Variants in BTBD2 observed in about 807,000 individuals in gnomAD.
BTBD2 encodes BTB/POZ domain-containing protein 2.
A neutral mutation model predicts 44.0 loss-of-function variants in BTBD2; 15 were observed. That is an observed-to-expected ratio of 0.34 (90% confidence interval 0.23 to 0.53). The LOEUF (loss-of-function observed/expected upper bound fraction) is 0.53. Among genes scored for constraint, BTBD2 ranks in the 20% least tolerant of loss-of-function variants. The probability of loss-of-function intolerance (pLI) is 0.95; values close to 1 mark genes in which losing one functional copy is unlikely to be tolerated. For missense variants in BTBD2, 657 were observed against 746.4 expected (o/e 0.88, Z 1.39); for synonymous variants, 443 against 335.9 (o/e 1.32, Z -3.49).
chr19:2,012,680 C>A (rs1348656058), intron 1 of BTBD2, among the ~76,000 whole-genome samples: 7 of 152,200 alleles, frequency 4.6e-5, no homozygotes, highest in African/African-American at 1.4e-4. Flanking sequence ...CCTTACCTTG[C>A]TGCTATCTCC....
chr19:1,995,867 G>C (rs980746062), intron 2 of BTBD2, among the ~76,000 whole-genome samples: 2 of 151,884 alleles, frequency 1.3e-5, no homozygotes, highest in African/African-American at 4.8e-5. Flanking sequence ...ATGTTAGCCA[G>C]CATGGTCTCA....
intron 1 of BTBD2, among the ~76,000 whole-genome samples, chr19:1,999,919 G>T (rs539977173): frequency 6.7e-6 from 1 of 148,452 alleles, no homozygotes; most frequent in Non-Finnish European, 1.5e-5. Flanking sequence ...CCAAGATCAC[G>T]CCATTGCACT....
intron 1 of BTBD2, among the ~76,000 whole-genome samples, chr19:2,008,363 G>A (rs1382514707): frequency 6.7e-6 from 1 of 148,850 alleles, no homozygotes; most frequent in East Asian, 2.0e-4. Flanking sequence ...CCAGTCGTGC[G>A]ATCTCAGATC....
At chr19:1,990,347 A>G (rs2016157535) in intron 4 of BTBD2, 146 bp from the exon 5 acceptor site, 4 of 837,728 alleles carry the variant, frequency 4.8e-6, no homozygotes, top group Non-Finnish European at 7.4e-6. Context: ...GAGTGTGTTT[A>G]TAAATAAAGC....
intron 1 of BTBD2, among the ~76,000 whole-genome samples, chr19:2,005,747 G>A (rs932604229): frequency 2.0e-5 from 3 of 147,974 alleles, no homozygotes; most frequent in Non-Finnish European, 3.0e-5. Context: ...ACACCATCGC[G>A]CTCCAGCCTG....
intron 1 of BTBD2, chr19:2,013,590 G>A: frequency 1.0e-6 from 1 of 988,190 alleles, no homozygotes. Flanking sequence ...TGGCGGAGCT[G>A]GAGGTGGGTG....
Position 1,985,601 on chromosome 19 carries a change from CTG to C in BTBD2, c.*885_*886del, listed in dbSNP as rs2016066726. 1 of 152,370 alleles carries C rather than the reference CTG, an allele frequency of 6.6e-6. No homozygotes were observed. Among genetic ancestry groups the C allele is most frequent in the Non-Finnish European group, 1.5e-5 (1 of 68,142 alleles). 9.4% of individuals were successfully genotyped at this position (152,370 alleles called of 1,614,324 possible). On this transcript the variant is annotated 3_prime_UTR_variant, in exon 9 of 9. Coordinates refer to ENST00000255608, the MANE Select transcript of BTBD2 (RefSeq NM_017797.4). ...GGGGCGTGGCCGGAGTGGGGAGGGGCTGTGCCCCCAGCACCTGGGGGTGGCTC... is the reference window on the plus strand; with the variant it reads ...GGGGCGTGGCCGGAGTGGGGAGGGGCTGCCCCCAGCACCTGGGGGTGGCTC...
intron 3 of BTBD2, chr19:1,991,147 G>A: frequency 3.8e-6 from 1 of 265,664 alleles, no homozygotes; most frequent in East Asian, 1.1e-4. Context: ...TCGGGGGGCA[G>A]CAGGGCCCAG....
chr19:1,992,363 A>G (rs1025940691), intron 3 of BTBD2, among the ~76,000 whole-genome samples: 10 of 150,636 alleles, frequency 6.6e-5, no homozygotes, highest in African/African-American at 2.4e-4. Flanking sequence ...GCCTCCCAAA[A>G]TGCTGGGATT....
chr19:1,996,668 G>A (rs989489475), intron 2 of BTBD2, among the ~76,000 whole-genome samples: 5 of 150,310 alleles, frequency 3.3e-5, no homozygotes, highest in Admixed American at 6.7e-5. Context: ...CGGATCACCT[G>A]AGGCCAGGAG....
intron 1 of BTBD2, among the ~76,000 whole-genome samples, chr19:2,000,830 G>A (rs1599356007): frequency 6.6e-6 from 1 of 152,200 alleles, no homozygotes; most frequent in Non-Finnish European, 1.5e-5. Context: ...CCCACGCACT[G>A]GAACACGACC....
At chr19:2,001,224 A>G (rs6510634) in intron 1 of BTBD2, among the ~76,000 whole-genome samples, 29,164 of 151,828 alleles carry the variant, frequency 0.19, 3,137 homozygotes, top group East Asian at 0.31. Flanking sequence ...GGCACCGGGC[A>G]CGGTGGCTCA....
intron 2 of BTBD2, among the ~76,000 whole-genome samples, chr19:1,994,210 G>A (rs2016220820): frequency 6.6e-6 from 1 of 151,766 alleles, no homozygotes; most frequent in Non-Finnish European, 1.5e-5. Flanking sequence ...CAGCTACCTG[G>A]GAGGCTGAGG....
In BTBD2 at chr19:1,993,086, C is replaced by T. The variant is rs745553872; in HGVS notation, c.618G>A (p.Glu206=). 1.9e-6 allele frequency: 3 copies of T among 1,608,526 alleles called. No homozygotes were observed. Among genetic ancestry groups the T allele is most frequent in the African/African-American group, 2.7e-5 (2 of 74,918 alleles). ...TCTTCAGGAACTCCACGCAATGGGCCTCGAGCGCTGGCACCGCGTACTTCT... is the reference window on the plus strand; with the variant it reads ...TCTTCAGGAACTCCACGCAATGGGCTTCGAGCGCTGGCACCGCGTACTTCT... The part of the protein sequence containing the change: ...TAKKYAVPAL[E]AHCVEFLKKN... Residue 206 remains glutamate (E), a synonymous_variant, in exon 3 of 9, where the codon GAG becomes GAA. Coordinates refer to ENST00000255608, the MANE Select transcript of BTBD2 (RefSeq NM_017797.4).
At chr19:2,004,261 A>T (rs1268874857) in intron 1 of BTBD2, among the ~76,000 whole-genome samples, 3 of 150,590 alleles carry the variant, frequency 2.0e-5, no homozygotes, top group Admixed American at 6.7e-5. Context: ...TGTCACAGGC[A>T]CACATCCTTA....
chr19:1,987,139 C>A, intron 7 of BTBD2, 27 bp downstream of exon 7: 1 of 1,610,072 alleles, frequency 6.2e-7, no homozygotes, highest in Admixed American at 1.7e-5. Flanking sequence ...CTGAGTGGGG[C>A]CTGGGGATGA....
Position 1,986,033 on chromosome 19 carries a change from C to G in BTBD2, c.*455G>C, listed in dbSNP as rs560280229. On this transcript the variant is annotated 3_prime_UTR_variant, in exon 9 of 9. Transcript: ENST00000255608. ...GATAAACGGACAGGAACAAAAGGAA[C>G]GCAAGGTCTGGGACCCACGGCTCTG... The G allele has an allele frequency of 6.3e-6, 1 of 159,250 alleles. No individual in the cohort carries two copies. The highest frequency in any genetic ancestry group is 1.8e-4 in the East Asian group (1 of 5,460). The allele number at this position is 159,250 out of a possible 1,614,324, so 9.9% of individuals were successfully genotyped here.
At chr19:2,010,822 A>T (rs1184268184) in intron 1 of BTBD2, among the ~76,000 whole-genome samples, 1 of 152,092 alleles carries the variant, frequency 6.6e-6, no homozygotes, top group Non-Finnish European at 1.5e-5. Context: ...TATTTTTAGT[A>T]GAGACGGGGT....
chr19:2,005,759 GA>G (rs1228512163), intron 1 of BTBD2, among the ~76,000 whole-genome samples: 2 of 145,056 alleles, frequency 1.4e-5, no homozygotes, highest in Admixed American at 1.4e-4. Flanking sequence ...TCCAGCCTGG[GA>G]ACAAGAGCAA....
Sources: allele counts gnomAD v4.1 joint callset (sites outside exome capture counted in the v4.1 genomes callset), GRCh38; gene constraint gnomAD v4.1.1; transcripts MANE v1.5; gene names NCBI Gene and HGNC (gene_info 2026-07-23, HGNC 2026-07-21).